ZNF362: variants seen among roughly 807,000 people sequenced by gnomAD.
ZNF362 encodes rotund homolog.
Under a neutral mutation model 42.9 loss-of-function variants are expected in ZNF362, and 11 were observed. The observed-to-expected ratio is 0.26, with a 90% CI of 0.16 to 0.42. The LOEUF is 0.42. Among genes scored for constraint, ZNF362 ranks in the 20% least tolerant of loss-of-function variants. The pLI, the probability that ZNF362 is intolerant of heterozygous loss-of-function variation, is 1.00. For missense variants in ZNF362, 362 were observed against 576.2 expected (o/e 0.63, Z 3.81); for synonymous variants, 255 against 257.3 (o/e 0.99, Z 0.09).
Position 33,281,918 on chromosome 1 carries a change from A to G in ZNF362, c.908+107A>G, listed in dbSNP as rs936196132. ...GGGCAAGGACCTTCTCCAGGTGCCC[A>G]TTGCCCTCGGGGTCACGGCCCTTGT... is the stretch of plus-strand genomic sequence containing the variant. On this transcript the variant is annotated intron_variant, in intron 6 of 8. Coordinates refer to ENST00000539719, the MANE Select transcript of ZNF362 (RefSeq NM_152493.3). The surrounding 1 kb of genome is among the most constrained non-coding windows in gnomAD (Gnocchi z 4.8). 33 of 1,205,164 alleles carry G rather than the reference A, an allele frequency of 2.7e-5. No homozygotes were observed. The African/African-American group carries it at 3.4e-4, about 13-fold the overall frequency. 74.7% of individuals were successfully genotyped at this position (1,205,164 alleles called of 1,614,324 possible).
At chr1:33,243,103 C>CTGT in the ZNF362 span, among the ~76,000 whole-genome samples, 162 of 135,456 alleles carry the variant, frequency 1.2e-3, 1 homozygote, top group African/African-American at 4.4e-3. Flanking sequence ...ATCACCACAA[C>CTGT]TGTTATTATG....
chr1:33,223,219 C>T, the ZNF362 span, among the ~76,000 whole-genome samples: 3 of 152,106 alleles, frequency 2.0e-5, no homozygotes, highest in African/African-American at 7.2e-5. Context: ...CCACTGCACT[C>T]CAGCCTGGTG....
rs994472670 is a variant in ZNF362 at position 33,299,034 on chromosome 1, C to G, written c.1251C>G (p.Ile417Met). The G allele has an allele frequency of 1.2e-6, 2 of 1,609,288 alleles. No individual in the cohort carries two copies. The highest frequency in any genetic ancestry group is 1.7e-6 in the Non-Finnish European group (2 of 1,179,840). ...AGTCCCCCGGCATCCCGGTGCGAAT[C>G]TCTCTCATCTGAGCCCACTGGAGGC... ...RTESPGIPVR[I>M]SLI Residue 417 changes from isoleucine to methionine, a missense_variant, in exon 9 of 9, where the codon ATC (isoleucine) becomes ATG (methionine). By Grantham distance (10) the Ile-to-Met change is conservative (BLOSUM62 1). Around this residue, in one of 3 missense-constraint regions of ZNF362, gnomAD observed 68 missense variants for 107.4 expected, o/e 0.63. Coordinates refer to ENST00000539719, the MANE Select transcript of ZNF362 (RefSeq NM_152493.3).
At chr1:33,143,218 T>G in the ZNF362 span, 1 of 152,204 alleles carries the variant, frequency 6.6e-6, no homozygotes, top group Admixed American at 6.5e-5. Context: ...GAGTCCCCAG[T>G]TGATAATGCA....
At chr1:33,148,361 A>G in the ZNF362 span, among the ~76,000 whole-genome samples, 8 of 152,250 alleles carry the variant, frequency 5.3e-5, no homozygotes, top group African/African-American at 1.9e-4. Flanking sequence ...GTTTTAATAT[A>G]TACTGAATAT....
chr1:33,290,525 C>T (rs1646070090), intron 6 of ZNF362, among the ~76,000 whole-genome samples: 1 of 152,068 alleles, frequency 6.6e-6, no homozygotes, highest in Non-Finnish European at 1.5e-5. Context: ...AATAAACATA[C>T]GTGTGCATGT....
At chr1:33,196,128 C>G in the ZNF362 span, 1 of 152,018 alleles carries the variant, frequency 6.6e-6, no homozygotes, top group African/African-American at 2.4e-5. Flanking sequence ...ACCTGTAATC[C>G]CAACACTTTG....
the ZNF362 span, chr1:33,181,731 G>A: frequency 2.3e-6 from 1 of 439,938 alleles, no homozygotes; most frequent in South Asian, 2.5e-5. The surrounding 1 kb of genome is among the most constrained non-coding windows in gnomAD (Gnocchi z 6.5). Flanking sequence ...ATCCTGACGG[G>A]GAGGTTCTAG....
chr1:33,174,837 G>A, the ZNF362 span, among the ~76,000 whole-genome samples: 1 of 151,230 alleles, frequency 6.6e-6, no homozygotes, highest in Non-Finnish European at 1.5e-5. Context: ...TCTCTCCTGG[G>A]CCCAACACAG....
At chr1:33,295,380 T>C in intron 8 of ZNF362, 75 bp downstream of exon 8, 2 of 1,541,338 alleles carry the variant, frequency 1.3e-6, no homozygotes. Context: ...TTCCCCATTG[T>C]CAGATCTGTG....
chr1:33,171,792 A>AT, the ZNF362 span, among the ~76,000 whole-genome samples: 8 of 151,900 alleles, frequency 5.3e-5, no homozygotes, highest in Non-Finnish European at 7.4e-5. Context: ...TTTATTTTTT[A>AT]TTTTTTTGAG....
rs1646147712 is a variant in ZNF362 at position 33,299,216 on chromosome 1, C to T, written c.*170C>T. Reference sequence around the variant, plus strand: ...AGCCCTGCCTGGTCCAGTCCGGGGGCGGCCAGGCCAACTGCAAGATTCTGG... The same window carrying T: ...AGCCCTGCCTGGTCCAGTCCGGGGGTGGCCAGGCCAACTGCAAGATTCTGG... On this transcript the variant is annotated 3_prime_UTR_variant, in exon 9 of 9. Transcript: ENST00000539719. The T allele has an allele frequency of 1.9e-5, 11 of 591,286 alleles. 1 individual carries two copies. Among genetic ancestry groups the T allele is most frequent in the South Asian group, 8.1e-5 (4 of 49,444 alleles). 36.6% of individuals were successfully genotyped at this position (591,286 alleles called of 1,614,324 possible). A position where few individuals can be genotyped will look rare whatever the true frequency, so the allele number is the denominator to read the frequency against.
intron 8 of ZNF362, among the ~76,000 whole-genome samples, chr1:33,296,109 C>T (rs1646121795): frequency 6.6e-6 from 1 of 152,210 alleles, no homozygotes; most frequent in South Asian, 2.1e-4. Context: ...AACAAGTACA[C>T]ACGTAACTGT....
chr1:33,169,143 T>A, the ZNF362 span, among the ~76,000 whole-genome samples: 5 of 152,054 alleles, frequency 3.3e-5, no homozygotes, highest in African/African-American at 1.2e-4. Context: ...TGCCACGAGG[T>A]GTGCATGTGT....
At chr1:33,180,986 C>T in the ZNF362 span, 13 of 1,150,690 alleles carry the variant, frequency 1.1e-5, no homozygotes, top group South Asian at 1.7e-4. Flanking sequence ...CACCTCCAGC[C>T]CGGCCCCGCC....
chr1:33,165,277 G>A, the ZNF362 span: 1 of 498,716 alleles, frequency 2.0e-6, no homozygotes, highest in East Asian at 3.4e-5. The surrounding 1 kb of genome is among the most constrained non-coding windows in gnomAD (Gnocchi z 4.0). Context: ...TGATGGGGTG[G>A]GTGCCGCCCC....
At chr1:33,226,779 C>T in the ZNF362 span, among the ~76,000 whole-genome samples, 2 of 152,262 alleles carry the variant, frequency 1.3e-5, no homozygotes, top group African/African-American at 4.8e-5. Flanking sequence ...GCATGAGAAT[C>T]GCTTGAACCC....
chr1:33,215,902 G>A, the ZNF362 span, among the ~76,000 whole-genome samples: 2 of 151,270 alleles, frequency 1.3e-5, no homozygotes, highest in Non-Finnish European at 2.9e-5. Context: ...TAACAAACAT[G>A]GTTTGAAGCA....
intron 8 of ZNF362, among the ~76,000 whole-genome samples, chr1:33,295,767 C>T (rs936091314): frequency 2.0e-5 from 3 of 152,192 alleles, no homozygotes; most frequent in Non-Finnish European, 2.9e-5. Flanking sequence ...GTGGGAATTT[C>T]CCCAAACGAG....
Sources: allele counts gnomAD v4.1 joint callset (sites outside exome capture counted in the v4.1 genomes callset), GRCh38; gene constraint gnomAD v4.1.1; regional missense constraint gnomAD v4.1.1; non-coding constraint Gnocchi (gnomAD v3.1); transcripts MANE v1.5; gene names NCBI Gene and HGNC (gene_info 2026-07-23, HGNC 2026-07-21).